NEMP2: variants seen among roughly 807,000 people sequenced by gnomAD.
NEMP2 encodes nuclear envelope integral membrane protein 2, also known as UPF0571 transmembrane protein.
A neutral mutation model predicts 54.2 loss-of-function variants in NEMP2; 53 were observed. That is an observed-to-expected ratio of 0.98 (90% CI 0.78 to 1.23). The LOEUF (loss-of-function observed/expected upper bound fraction) is 1.23, where lower values mean the gene tolerates loss of function less well. Among genes scored for constraint, NEMP2 ranks in the 50% most tolerant of loss-of-function variants. The probability of loss-of-function intolerance (pLI) is 0.00; values close to 1 mark genes in which losing one functional copy is unlikely to be tolerated. For synonymous variants in NEMP2, 197 were observed against 190.3 expected, an observed-to-expected ratio of 1.04 and a Z score of -0.29; for missense variants, 455 against 511.3, an observed-to-expected ratio of 0.89 and a Z score of 1.06.
At chr2:190,443,390 T>TA in the NEMP2 span, among the ~76,000 whole-genome samples, 1 of 152,196 alleles carries the variant, frequency 6.6e-6, no homozygotes, top group South Asian at 2.1e-4. The surrounding 1 kb of genome is among the most constrained non-coding windows in gnomAD (Gnocchi z 4.2). Context: ...CTAGATGAGA[T>TA]AAAACATGGC....
the NEMP2 span, among the ~76,000 whole-genome samples, chr2:190,429,365 G>A: frequency 8.7e-5 from 13 of 149,438 alleles, no homozygotes; most frequent in Admixed American, 4.0e-4. Flanking sequence ...TCACTCTGTC[G>A]CCCAGCCTGG....
In NEMP2 at chr2:190,510,022, C is replaced by G. The variant is rs1237850735; in HGVS notation, c.1130+339G>C. Among the ~76,000 whole-genome samples, 1 of 152,194 alleles carries G rather than the reference C, an allele frequency of 6.6e-6. No homozygotes were observed. The highest frequency in any genetic ancestry group is 2.4e-5 in the African/African-American group (1 of 41,446). ...CACCATTGCACTCCAGCCTGGGTGA[C>G]AGAGCAAGACTCCATCTAAAACAAA... On this transcript the variant is annotated intron_variant, in intron 8 of 8. Transcript: ENST00000409150. This position sits in a 1 kb window ranked among gnomAD's most constrained non-coding sequence, Gnocchi z 5.7.
chr2:190,425,944 T>G, the NEMP2 span, among the ~76,000 whole-genome samples: 1 of 152,326 alleles, frequency 6.6e-6, no homozygotes, highest in South Asian at 2.1e-4. The surrounding 1 kb of genome is among the most constrained non-coding windows in gnomAD (Gnocchi z 4.3). Flanking sequence ...ATTGTTTTTC[T>G]CCCATTGGTA....
rs950569071 is a variant in NEMP2 at position 190,514,479 on chromosome 2, T to C, written c.927A>G (p.Pro309=). The C allele has an allele frequency of 3.2e-6, 5 of 1,551,302 alleles. No homozygotes were observed. In the Admixed American group the frequency reaches 7.8e-5, roughly 24 times the overall value. The change falls in exon 7 of 9, where the codon CCA becomes CCG. Residue 309 remains proline, a synonymous_variant. Coordinates refer to ENST00000409150, the MANE Select transcript of NEMP2 (RefSeq NM_001142645.2). The surrounding 1 kb of genome is among the most constrained non-coding windows in gnomAD (Gnocchi z 5.7). The stretch of plus-strand genomic sequence containing the variant: ...ACCTCATATAACTGCATGCTCTCAG[T>C]GGGTAGTGCAGACTCCAGGAGGACA... ...LLMSSWSLHY[P]LRACSYMRWK...
chr2:190,560,099 A>G, the NEMP2 span, among the ~76,000 whole-genome samples: 2 of 152,236 alleles, frequency 1.3e-5, no homozygotes, highest in Non-Finnish European at 2.9e-5. The surrounding 1 kb of genome is among the most constrained non-coding windows in gnomAD (Gnocchi z 5.4). Context: ...GTACTGATGC[A>G]GAAGATCAGG....
At chr2:190,581,695 A>G in the NEMP2 span, among the ~76,000 whole-genome samples, 1 of 152,220 alleles carries the variant, frequency 6.6e-6, no homozygotes, top group East Asian at 1.9e-4. Context: ...AAAAAATGAT[A>G]TGTTGAGAGA....
At chr2:190,622,611 T>C in the NEMP2 span, among the ~76,000 whole-genome samples, 1 of 152,172 alleles carries the variant, frequency 6.6e-6, no homozygotes, top group Non-Finnish European at 1.5e-5. Flanking sequence ...GATTGGGCAG[T>C]GGTTTCTTAG....
In NEMP2 at chr2:190,508,452, G is replaced by C. The variant is rs1434672057; in HGVS notation, c.*737C>G. On this transcript the variant is annotated 3_prime_UTR_variant, in exon 9 of 9. Coordinates refer to ENST00000409150, the MANE Select transcript of NEMP2 (RefSeq NM_001142645.2). The surrounding 1 kb of genome is among the most constrained non-coding windows in gnomAD (Gnocchi z 4.3). The stretch of plus-strand genomic sequence containing the variant: ...TTCTACCAGTGCTGCATCTCAGTGT[G>C]GTCTTGCACAAGTTATTTAACCTCT... 2 of 152,138 alleles carry C rather than the reference G, an allele frequency of 1.3e-5. No individual in the cohort carries two copies. The highest frequency in any genetic ancestry group is 6.6e-5 in the Admixed American group (1 of 15,264). 9.4% of individuals were successfully genotyped at this position (152,138 alleles called of 1,614,324 possible). A position where few individuals can be genotyped will look rare whatever the true frequency, so the allele number is the denominator to read the frequency against.
At chr2:190,437,260 G>C in the NEMP2 span, 1 of 1,614,204 alleles carries the variant, frequency 6.2e-7, no homozygotes, top group Non-Finnish European at 8.5e-7. This position sits in a 1 kb window ranked among gnomAD's most constrained non-coding sequence, Gnocchi z 5.9. Flanking sequence ...GATCCCGCAG[G>C]TGGAAAGGAA....
the NEMP2 span, among the ~76,000 whole-genome samples, chr2:190,463,323 T>A: frequency 3.3e-5 from 5 of 152,326 alleles, no homozygotes; most frequent in South Asian, 1.0e-3. This position sits in a 1 kb window ranked among gnomAD's most constrained non-coding sequence, Gnocchi z 4.4. Flanking sequence ...CATCATCTTA[T>A]TCAGGTCAAT....
chr2:190,459,357 G>T, the NEMP2 span, among the ~76,000 whole-genome samples: 197 of 152,242 alleles, frequency 1.3e-3, 3 homozygotes, highest in African/African-American at 4.4e-3. The surrounding 1 kb of genome is among the most constrained non-coding windows in gnomAD (Gnocchi z 5.3). Context: ...AACTCTTGAG[G>T]CCTTTTTAAA....
At chr2:190,577,251 T>C in the NEMP2 span, among the ~76,000 whole-genome samples, 1 of 152,200 alleles carries the variant, frequency 6.6e-6, no homozygotes, top group African/African-American at 2.4e-5. This position sits in a 1 kb window ranked among gnomAD's most constrained non-coding sequence, Gnocchi z 4.8. Flanking sequence ...CTCAATTTTT[T>C]TTAACATTAA....
the NEMP2 span, among the ~76,000 whole-genome samples, chr2:190,547,692 ATTTTTTTTCTTTTTGTAT>A: frequency 0.17 from 25,324 of 151,682 alleles, 2,279 homozygotes; most frequent in Middle Eastern, 0.22. This position sits in a 1 kb window ranked among gnomAD's most constrained non-coding sequence, Gnocchi z 6.2. Context: ...CACCCAGCTA[ATTTTTTTTCTTTTTGTAT>A]TTTTTAGTAG....
chr2:190,524,171 C>T (rs1418665762), intron 2 of NEMP2, among the ~76,000 whole-genome samples: 1 of 151,760 alleles, frequency 6.6e-6, no homozygotes. Context: ...GAACCAAGAT[C>T]GCACCAATGC....
At chr2:190,468,741 G>T in the NEMP2 span, among the ~76,000 whole-genome samples, 3 of 151,700 alleles carry the variant, frequency 2.0e-5, no homozygotes, top group Non-Finnish European at 4.4e-5. Context: ...TTACAGGCAT[G>T]AGTCAATACA....
chr2:190,515,126 A>G (rs1014123814), intron 6 of NEMP2, among the ~76,000 whole-genome samples: 1 of 152,212 alleles, frequency 6.6e-6, no homozygotes, highest in Non-Finnish European at 1.5e-5. Context: ...TGGTGAGACT[A>G]TAAGCTATTC....
At chr2:190,647,232 C>T in the NEMP2 span, among the ~76,000 whole-genome samples, 2 of 152,128 alleles carry the variant, frequency 1.3e-5, no homozygotes, top group African/African-American at 2.4e-5. Context: ...CAAAACCTGT[C>T]ACTAATACTG....
At chr2:190,426,670 C>T in the NEMP2 span, among the ~76,000 whole-genome samples, 1 of 152,132 alleles carries the variant, frequency 6.6e-6, no homozygotes, top group African/African-American at 2.4e-5. This position sits in a 1 kb window ranked among gnomAD's most constrained non-coding sequence, Gnocchi z 4.7. Flanking sequence ...CTATTATTTC[C>T]AAATGATGGT....
the NEMP2 span, among the ~76,000 whole-genome samples, chr2:190,474,626 C>T: frequency 6.6e-6 from 1 of 152,114 alleles, no homozygotes; most frequent in Non-Finnish European, 1.5e-5. Flanking sequence ...CAGCTGAATT[C>T]GACCAGAGGT....
Sources: gnomAD v4.1 joint callset for allele counts (sites outside exome capture counted in the v4.1 genomes callset) on GRCh38, gnomAD v4.1.1 for gene constraint, Gnocchi (gnomAD v3.1) non-coding constraint, MANE v1.5 for transcripts, NCBI Gene and HGNC (gene_info 2026-07-23, HGNC 2026-07-21) for gene names.